The following WWC2 variants were observed in gnomAD, a reference collection of about 807,000 sequenced individuals.
WWC2 encodes the protein WW and C2 domain containing 2.
In WWC2, 101 loss-of-function variants were observed where a neutral mutation model predicts 138.5. That is an observed-to-expected ratio of 0.73 (90% CI 0.62 to 0.86). WWC2 has a LOEUF of 0.86. Ranked by LOEUF, WWC2 falls within the 40% of genes least tolerant of loss-of-function variation. WWC2 has a pLI of 0.00. For synonymous variants in WWC2, 558 were observed against 538.4 expected (o/e 1.04, Z -0.50); for missense variants, 1,420 against 1,419.4 (o/e 1.00, Z -0.01).
intron 4 of WWC2, among the ~76,000 whole-genome samples, chr4:183,235,161 C>A (rs1453793219): frequency 6.6e-6 from 1 of 152,010 alleles, no homozygotes; most frequent in Non-Finnish European, 1.5e-5. Flanking sequence ...AAGAAGACTC[C>A]CCAGTATAAA....
intron 6 of WWC2, 112 bp from the exon 7 acceptor site, chr4:183,248,602 A>G (rs1291210729): frequency 8.8e-6 from 10 of 1,139,688 alleles, no homozygotes; most frequent in Non-Finnish European, 1.2e-5. Flanking sequence ...CTACTAAAAT[A>G]AAGTTGTTTT....
chr4:183,223,936 G>A (rs2111270615), intron 4 of WWC2, among the ~76,000 whole-genome samples: 1 of 152,196 alleles, frequency 6.6e-6, no homozygotes, highest in Non-Finnish European at 1.5e-5. Context: ...TAGCCATGTT[G>A]GCCAGGCTGG....
chr4:183,294,456 G>A (rs1293904948), intron 21 of WWC2, among the ~76,000 whole-genome samples: 1 of 152,240 alleles, frequency 6.6e-6, no homozygotes, highest in Non-Finnish European at 1.5e-5. Context: ...TGAATACAGA[G>A]CTCTCTAGAA....
chr4:183,181,499 T>G (rs1325956042), intron 1 of WWC2, among the ~76,000 whole-genome samples: 1 of 152,196 alleles, frequency 6.6e-6, no homozygotes, highest in East Asian at 1.9e-4. Flanking sequence ...TATAAACAGA[T>G]AACCTAAACT....
At chr4:183,175,790 A>G (rs1445676789) in intron 1 of WWC2, among the ~76,000 whole-genome samples, 1 of 152,232 alleles carries the variant, frequency 6.6e-6, no homozygotes, top group Non-Finnish European at 1.5e-5. Context: ...AGCACTGGGA[A>G]ACAGAGCACA....
At chr4:183,210,338 A>G (rs1199282639) in intron 4 of WWC2, among the ~76,000 whole-genome samples, 1 of 152,088 alleles carries the variant, frequency 6.6e-6, no homozygotes, top group Non-Finnish European at 1.5e-5. Context: ...AAAGGTGCAG[A>G]TATGTGGGAT....
At chr4:183,310,624 C>G (rs1332938256) in intron 21 of WWC2, among the ~76,000 whole-genome samples, 1 of 151,266 alleles carries the variant, frequency 6.6e-6, no homozygotes, top group East Asian at 1.9e-4. Flanking sequence ...CCTCAGCCTC[C>G]TGAGTAGTTG....
intron 5 of WWC2, among the ~76,000 whole-genome samples, chr4:183,243,753 G>A (rs977231367): frequency 7.8e-4 from 107 of 137,856 alleles, no homozygotes; most frequent in African/African-American, 2.8e-3. Context: ...GTGTGTGTGT[G>A]TGTGTGTGTG....
At chr4:183,169,415 C>T (rs187690797) in intron 1 of WWC2, among the ~76,000 whole-genome samples, 83 of 142,798 alleles carry the variant, frequency 5.8e-4, no homozygotes, top group African/African-American at 2.0e-3. Context: ...AGCTGTAACA[C>T]GGACTCAAAG....
At position 183,197,820 on chromosome 4, in the gene WWC2, G is replaced by A. The variant is rs551970369; in HGVS notation, c.241+4112G>A. ...GCGTGTATTTTGGGTGGACTTTGAC[G>A]TATGTATAGTCCTTTGTAACTTGCC... On this transcript the variant is annotated intron_variant, in intron 2 of 22. Coordinates refer to ENST00000403733, the MANE Select transcript of WWC2 (RefSeq NM_024949.6). Among the ~76,000 whole-genome samples, 23 of 152,222 alleles carry A rather than the reference G, an allele frequency of 1.5e-4. No homozygotes were observed. In the South Asian group the frequency reaches 2.9e-3, roughly 19 times the overall value.
chr4:183,155,221 A>AGAGAGAGAGTGAGAGAGAGAGT (rs61543148), intron 1 of WWC2, among the ~76,000 whole-genome samples: 3 of 135,184 alleles, frequency 2.2e-5, no homozygotes, highest in Non-Finnish European at 4.8e-5. Flanking sequence ...AGAGAGAGAG[A>AGAGAGAGAGTGAGAGAGAGAGT]GAGTTAGTTG....
intron 5 of WWC2, 140 bp from the exon 6 acceptor site, chr4:183,245,276 G>T: frequency 2.6e-5 from 11 of 430,748 alleles, no homozygotes; most frequent in Admixed American, 5.5e-5. Flanking sequence ...GAAACTGCCT[G>T]AAAAGATGAT....
At chr4:183,211,906 C>G (rs1735609560) in intron 4 of WWC2, among the ~76,000 whole-genome samples, 1 of 152,000 alleles carries the variant, frequency 6.6e-6, no homozygotes, top group African/African-American at 2.4e-5. Context: ...ACTGCAAGCT[C>G]CGCTTCCTGG....
intron 16 of WWC2, among the ~76,000 whole-genome samples, chr4:183,279,218 C>A (rs1737980179): frequency 6.6e-6 from 1 of 152,032 alleles, no homozygotes; most frequent in Non-Finnish European, 1.5e-5. Context: ...GCTTTTTCTG[C>A]ATCTATTGAG....
intron 1 of WWC2, among the ~76,000 whole-genome samples, chr4:183,128,559 A>G (rs567584727): frequency 6.1e-4 from 93 of 151,894 alleles, no homozygotes; most frequent in African/African-American, 2.2e-3. Flanking sequence ...CTATAAGACA[A>G]CCTCCTTGTT....
intron 1 of WWC2, among the ~76,000 whole-genome samples, chr4:183,113,152 A>G (rs764191183): frequency 1.3e-5 from 2 of 151,864 alleles, no homozygotes; most frequent in Non-Finnish European, 2.9e-5. Context: ...CATACTTGTA[A>G]TCTCAGCTAC....
chr4:183,109,328 T>A (rs1401607701), intron 1 of WWC2, among the ~76,000 whole-genome samples: 2 of 152,256 alleles, frequency 1.3e-5, no homozygotes, highest in East Asian at 3.8e-4. Flanking sequence ...GCAATATTTT[T>A]AAATGTTTCT....
chr4:183,137,063 C>G (rs1733140573), intron 1 of WWC2, among the ~76,000 whole-genome samples: 1 of 152,136 alleles, frequency 6.6e-6, no homozygotes, highest in African/African-American at 2.4e-5. Flanking sequence ...ATGAATGGAG[C>G]TTGCAGGACT....
chr4:183,222,448 A>G (rs1461910189), intron 4 of WWC2, among the ~76,000 whole-genome samples: 1 of 152,130 alleles, frequency 6.6e-6, no homozygotes, highest in Non-Finnish European at 1.5e-5. Context: ...TAAAATATCT[A>G]GAATTAACTT....
Sources: allele counts gnomAD v4.1 joint callset (sites outside exome capture counted in the v4.1 genomes callset), GRCh38; gene constraint gnomAD v4.1.1; transcripts MANE v1.5; gene names NCBI Gene and HGNC (gene_info 2026-07-23, HGNC 2026-07-21).